The following ANK3 variants were observed in gnomAD, a reference collection of about 807,000 sequenced individuals.
ANK3 encodes the protein ankyrin-3.
Under a neutral mutation model 370.9 loss-of-function variants are expected in ANK3, and 57 were observed. The ratio of observed to expected loss-of-function variants is 0.15; its 90% CI spans 0.12 to 0.19. ANK3 has a LOEUF of 0.19. Ranked by LOEUF, ANK3 falls within the 10% of genes least tolerant of loss-of-function variation. The pLI is 1.00. For missense variants in ANK3, 4,439 were observed against 5,302.1 expected (o/e 0.84, Z 5.06); for synonymous variants, 1,929 against 1,946.3 (o/e 0.99, Z 0.23).
intron 31 of ANK3, 110 bp from the exon 32 acceptor site, chr10:60,084,940 G>T: frequency 1.2e-6 from 1 of 835,448 alleles, no homozygotes; most frequent in Non-Finnish European, 1.8e-6. Flanking sequence ...AACCCAAAAC[G>T]TTATTAACTT....
At chr10:60,087,951 T>C (rs939482890) in intron 29 of ANK3, among the ~76,000 whole-genome samples, 196 bp downstream of exon 29, 2 of 152,234 alleles carry the variant, frequency 1.3e-5, no homozygotes, top group African/African-American at 4.8e-5. Context: ...AGAACAACCC[T>C]AAAATATGTA....
At chr10:60,463,614 G>A (rs2064941931) in intron 2 of ANK3, among the ~76,000 whole-genome samples, 1 of 151,246 alleles carries the variant, frequency 6.6e-6, no homozygotes, top group Admixed American at 6.6e-5. Flanking sequence ...TGGCCCTGTT[G>A]CAAAGGACAG....
At chr10:60,667,298 C>T (rs1186255751) in intron 1 of ANK3, among the ~76,000 whole-genome samples, 1 of 150,334 alleles carries the variant, frequency 6.7e-6, no homozygotes. Context: ...TAAAAGAATC[C>T]CCCATTTCCT....
At chr10:60,413,684 A>G (rs1705211778) in intron 2 of ANK3, among the ~76,000 whole-genome samples, 1 of 152,216 alleles carries the variant, frequency 6.6e-6, no homozygotes, top group South Asian at 2.1e-4. Context: ...CATGCAGAGT[A>G]TTTAATTGAT....
At chr10:60,046,738 T>A (rs1330940773) in intron 42 of ANK3, among the ~76,000 whole-genome samples, 1 of 152,036 alleles carries the variant, frequency 6.6e-6, no homozygotes, top group East Asian at 1.9e-4. Flanking sequence ...TTCTGTCAAC[T>A]ATATTAGAGA....
At chr10:60,116,924 A>G (rs1397466416) in intron 25 of ANK3, among the ~76,000 whole-genome samples, 3 of 152,212 alleles carry the variant, frequency 2.0e-5, no homozygotes, top group Admixed American at 2.0e-4. Context: ...CATCATCGTA[A>G]CATTTCAGAA....
At chr10:60,311,390 TA>T (rs2046313536) in intron 1 of ANK3, among the ~76,000 whole-genome samples, 1 of 150,344 alleles carries the variant, frequency 6.7e-6, no homozygotes, top group South Asian at 2.1e-4. Context: ...CCTACTTTGC[TA>T]CACTAAATAC....
chr10:60,202,799 T>C (rs919242418), intron 12 of ANK3, among the ~76,000 whole-genome samples: 5 of 151,966 alleles, frequency 3.3e-5, no homozygotes, highest in African/African-American at 1.2e-4. Flanking sequence ...TCCCAGTTAG[T>C]TGGGAGGCTG....
At chr10:60,672,590 T>C (rs2079075788) in intron 1 of ANK3, among the ~76,000 whole-genome samples, 1 of 152,222 alleles carries the variant, frequency 6.6e-6, no homozygotes, top group Admixed American at 6.5e-5. Flanking sequence ...CTTCCAGACC[T>C]CACCCTCTGT....
chr10:60,273,439 T>A (rs1467399459), intron 4 of ANK3, among the ~76,000 whole-genome samples: 1 of 152,106 alleles, frequency 6.6e-6, no homozygotes, highest in East Asian at 1.9e-4. Flanking sequence ...CTTCCCACTA[T>A]CTAATTCTAG....
At chr10:60,358,981 G>A (rs1191985938) in intron 1 of ANK3, among the ~76,000 whole-genome samples, 2 of 152,062 alleles carry the variant, frequency 1.3e-5, no homozygotes, top group South Asian at 2.1e-4. Flanking sequence ...TTAGCCGAGT[G>A]TACCTTCTTC....
At chr10:60,126,655 T>C (rs540599663) in intron 25 of ANK3, among the ~76,000 whole-genome samples, 1 of 149,968 alleles carries the variant, frequency 6.7e-6, no homozygotes, top group South Asian at 2.1e-4. Flanking sequence ...GCCACTGCAC[T>C]CCAGCCTGGG....
intron 2 of ANK3, among the ~76,000 whole-genome samples, chr10:60,537,256 C>G (rs2076745588): frequency 6.6e-6 from 1 of 151,898 alleles, no homozygotes; most frequent in Admixed American, 6.6e-5. Context: ...CTCAGTTCTT[C>G]TAACAGTTGG....
chr10:60,044,364 T>G (rs1344187566), intron 42 of ANK3: 1 of 978,196 alleles, frequency 1.0e-6, no homozygotes, highest in Non-Finnish European at 1.2e-6. Flanking sequence ...GGATGTGGCA[T>G]AAAGATTAGC....
At chr10:60,489,711 A>C (rs910430075) in intron 2 of ANK3, among the ~76,000 whole-genome samples, 1 of 152,346 alleles carries the variant, frequency 6.6e-6, no homozygotes, top group East Asian at 1.9e-4. Flanking sequence ...TCATATTTGC[A>C]TAATTTTCTT....
upstream of ANK3, among the ~76,000 whole-genome samples, chr10:60,393,792 C>T (rs532796254): frequency 1.1e-4 from 17 of 152,106 alleles, no homozygotes; most frequent in African/African-American, 3.6e-4. Flanking sequence ...ACAACATATG[C>T]GGTTTCCACA....
intron 2 of ANK3, among the ~76,000 whole-genome samples, chr10:60,405,598 A>G (rs1276174527): frequency 6.6e-6 from 1 of 152,218 alleles, no homozygotes; most frequent in Non-Finnish European, 1.5e-5. Context: ...GCCAACATTC[A>G]TCAACTGGTA....
chr10:60,459,794 T>C (rs1453271587), intron 2 of ANK3, among the ~76,000 whole-genome samples: 1 of 152,170 alleles, frequency 6.6e-6, no homozygotes, highest in Non-Finnish European at 1.5e-5. Flanking sequence ...TTACTGTTTT[T>C]AGGAACTTAC....
intron 1 of ANK3, among the ~76,000 whole-genome samples, chr10:60,633,155 C>T (rs878929190): frequency 6.6e-6 from 1 of 151,880 alleles, no homozygotes; most frequent in Admixed American, 6.6e-5. Context: ...ATGCAATTTC[C>T]ACCTAAATTA....
Sources: gnomAD v4.1 joint callset for allele counts (sites outside exome capture counted in the v4.1 genomes callset) on GRCh38, gnomAD v4.1.1 for gene constraint, MANE v1.5 for transcripts, NCBI Gene and HGNC (gene_info 2026-07-23, HGNC 2026-07-21) for gene names.